IGFL2: variants seen among roughly 807,000 people sequenced by gnomAD.
The protein encoded by IGFL2 is IGF like family member 2.
In IGFL2, 7 loss-of-function variants were observed where a neutral mutation model predicts 13.9. That is an observed-to-expected ratio of 0.51 (90% CI 0.29 to 0.95). The LOEUF is 0.95. Ranked by LOEUF, IGFL2 falls within the 40% of genes least tolerant of loss-of-function variation. IGFL2 has a pLI of 0.08. For synonymous variants in IGFL2, 55 were observed against 55.8 expected (o/e 0.99, Z 0.07); for missense variants, 138 against 147.8 (o/e 0.93, Z 0.34).
At chr19:46,097,478 TTTTTTTGGAGAG>T in the IGFL2 span, among the ~76,000 whole-genome samples, 1 of 152,108 alleles carries the variant, frequency 6.6e-6, no homozygotes, top group African/African-American at 2.4e-5. Flanking sequence ...GATTCATTGA[TTTTTTTGGAGAG>T]TTTTTTGTGT....
the IGFL2 span, among the ~76,000 whole-genome samples, chr19:46,186,125 A>G: frequency 6.6e-6 from 1 of 152,158 alleles, no homozygotes; most frequent in Admixed American, 6.5e-5. Flanking sequence ...CAGTGATCAC[A>G]GGAGGCTCGC....
At chr19:46,189,057 A>AC in the IGFL2 span, 22 of 154,892 alleles carry the variant, frequency 1.4e-4, no homozygotes, top group South Asian at 2.8e-3. Context: ...GGCCCGGGGA[A>AC]CCACTACCAC....
the IGFL2 span, among the ~76,000 whole-genome samples, chr19:46,100,479 C>T: frequency 2.6e-4 from 40 of 152,188 alleles, no homozygotes; most frequent in Non-Finnish European, 4.6e-4. Flanking sequence ...TTTTTACATA[C>T]AAGGACATAA....
the IGFL2 span, chr19:46,136,917 G>A: frequency 1.1e-6 from 1 of 916,780 alleles, no homozygotes; most frequent in Non-Finnish European, 1.8e-6. Context: ...CATGTCCTCT[G>A]GGCACATGAG....
chr19:46,209,781 A>T, the IGFL2 span: 3 of 152,326 alleles, frequency 2.0e-5, no homozygotes, highest in Non-Finnish European at 2.9e-5. Flanking sequence ...ATTCCTGCAA[A>T]GAAGAAGAAG....
At chr19:46,184,055 T>G in the IGFL2 span, among the ~76,000 whole-genome samples, 1 of 152,210 alleles carries the variant, frequency 6.6e-6, no homozygotes, top group Non-Finnish European at 1.5e-5. Flanking sequence ...AACTTTCCAG[T>G]GATGATGGAG....
chr19:46,167,918 A>G, the IGFL2 span, among the ~76,000 whole-genome samples: 65,810 of 151,928 alleles, frequency 0.43, 16,117 homozygotes, highest in Middle Eastern at 0.57. Flanking sequence ...TAGACTTCCA[A>G]CCTCCAGAGT....
At chr19:46,152,267 T>G (rs1259486260) in intron 1 of IGFL2, among the ~76,000 whole-genome samples, 4 of 30,866 alleles carry the variant, frequency 1.3e-4, no homozygotes, top group Non-Finnish European at 1.9e-4. Flanking sequence ...CTTCCTTAGG[T>G]TTTTTTTTTT....
At chr19:46,125,232 G>C in the IGFL2 span, among the ~76,000 whole-genome samples, 1 of 152,234 alleles carries the variant, frequency 6.6e-6, no homozygotes, top group Admixed American at 6.5e-5. Context: ...CAATAAAGGG[G>C]GTAGGGGTGG....
At chr19:46,084,119 C>T in the IGFL2 span, among the ~76,000 whole-genome samples, 4,386 of 152,196 alleles carry the variant, frequency 0.029, 77 homozygotes, top group Non-Finnish European at 0.044. Flanking sequence ...CCTCCTGTTA[C>T]GGATTTCTAG....
At chr19:46,106,328 A>G in the IGFL2 span, among the ~76,000 whole-genome samples, 3 of 152,168 alleles carry the variant, frequency 2.0e-5, no homozygotes, top group African/African-American at 7.2e-5. Flanking sequence ...AAGGTTGTCA[A>G]AATTTTGAAT....
chr19:46,136,662 A>T, the IGFL2 span: 34 of 427,290 alleles, frequency 8.0e-5, no homozygotes, highest in Admixed American at 8.6e-4. Flanking sequence ...TTAATAAAAA[A>T]ATATATAAAA....
At chr19:46,181,627 C>T in the IGFL2 span, among the ~76,000 whole-genome samples, 2 of 152,192 alleles carry the variant, frequency 1.3e-5, no homozygotes, top group South Asian at 2.1e-4. Context: ...GACTCAGCTG[C>T]GTAAAGACAG....
chr19:46,182,234 G>A, the IGFL2 span, among the ~76,000 whole-genome samples: 1 of 152,056 alleles, frequency 6.6e-6, no homozygotes, highest in South Asian at 2.1e-4. Flanking sequence ...GGGCTTGGTG[G>A]TGCATGCCTG....
the IGFL2 span, among the ~76,000 whole-genome samples, chr19:46,104,392 G>A: frequency 6.6e-6 from 1 of 152,182 alleles, no homozygotes; most frequent in Non-Finnish European, 1.5e-5. Context: ...ACGGTAAGGG[G>A]TATGAAGCTT....
At chr19:46,110,067 C>T in the IGFL2 span, among the ~76,000 whole-genome samples, 1 of 152,200 alleles carries the variant, frequency 6.6e-6, no homozygotes, top group African/African-American at 2.4e-5. Context: ...CCTCCAGGCA[C>T]CACAGCAAAG....
At chr19:46,148,101 C>T, upstream of IGFL2, 3 of 578,834 alleles carry the variant, frequency 5.2e-6, no homozygotes, top group Non-Finnish European at 9.3e-6. Context: ...TCTTACTAAG[C>T]TGTTGATGCA....
chr19:46,110,316 A>G, the IGFL2 span, among the ~76,000 whole-genome samples: 1 of 152,224 alleles, frequency 6.6e-6, no homozygotes, highest in Admixed American at 6.5e-5. Context: ...AGTGTACTCA[A>G]TAAAGATGCT....
At chr19:46,081,485 G>A in the IGFL2 span, among the ~76,000 whole-genome samples, 1 of 152,112 alleles carries the variant, frequency 6.6e-6, no homozygotes, top group Non-Finnish European at 1.5e-5. Flanking sequence ...TCTGGTCTAG[G>A]ATGCAATCCA....
Sources: allele counts gnomAD v4.1 joint callset (sites outside exome capture counted in the v4.1 genomes callset), GRCh38; gene constraint gnomAD v4.1.1; transcripts MANE v1.5; gene names NCBI Gene and HGNC (gene_info 2026-07-23, HGNC 2026-07-21).